SNX29: variants seen among roughly 807,000 people sequenced by gnomAD.
The protein encoded by SNX29 is sorting nexin 29.
A neutral mutation model predicts 102.1 loss-of-function variants in SNX29; 78 were observed. The observed-to-expected ratio is 0.76, with a 90% CI of 0.64 to 0.92. The LOEUF (loss-of-function observed/expected upper bound fraction) is 0.92. Among genes scored for constraint, SNX29 ranks in the 40% least tolerant of loss-of-function variants. The pLI, the probability that SNX29 is intolerant of heterozygous loss-of-function variation, is 0.00. For synonymous variants in SNX29, 580 were observed against 414.5 expected (o/e 1.40, Z -4.85); for missense variants, 1,280 against 1,061.7 (o/e 1.21, Z -2.86).
At chr16:12,283,705 A>G (rs745689801) in intron 15 of SNX29, among the ~76,000 whole-genome samples, 3 of 152,208 alleles carry the variant, frequency 2.0e-5, no homozygotes, top group Non-Finnish European at 4.4e-5. Flanking sequence ...ACAAAAATGA[A>G]TGGGACGCAG....
intron 11 of SNX29, among the ~76,000 whole-genome samples, chr16:12,123,502 C>G (rs567790279): frequency 3.2e-4 from 48 of 152,212 alleles, no homozygotes; most frequent in African/African-American, 1.0e-3. Flanking sequence ...ATATCATATA[C>G]ATATACATCA....
At chr16:12,255,097 A>T (rs2078530382) in intron 14 of SNX29, among the ~76,000 whole-genome samples, 1 of 152,226 alleles carries the variant, frequency 6.6e-6, no homozygotes, top group South Asian at 2.1e-4. Context: ...GAAATGATTA[A>T]ATCAAGTTAA....
chr16:12,568,336 A>G (rs1276321068), intron 20 of SNX29, among the ~76,000 whole-genome samples, 170 bp from the exon 21 acceptor site: 3 of 149,486 alleles, frequency 2.0e-5, no homozygotes, highest in Admixed American at 1.3e-4. Context: ...TTTACGTGAC[A>G]ATAGGGGTTT....
chr16:12,401,359 A>ATTTTTTT (rs35886680), intron 17 of SNX29, among the ~76,000 whole-genome samples: 29 of 101,466 alleles, frequency 2.9e-4, no homozygotes, highest in Non-Finnish European at 3.5e-4. Flanking sequence ...ATAGAGTTAA[A>ATTTTTTT]TTTTTTTTTT....
At chr16:12,232,247 G>T (rs2077791454) in intron 14 of SNX29, among the ~76,000 whole-genome samples, 1 of 152,202 alleles carries the variant, frequency 6.6e-6, no homozygotes, top group African/African-American at 2.4e-5. Flanking sequence ...GCTTGAATTG[G>T]CTGGGAAGGT....
At chr16:12,459,241 G>A (rs1017369124) in intron 18 of SNX29, among the ~76,000 whole-genome samples, 1 of 149,106 alleles carries the variant, frequency 6.7e-6, no homozygotes, top group African/African-American at 2.5e-5. Flanking sequence ...TTCCTCTCCT[G>A]TGGGGCTCAC....
At position 12,572,969 on chromosome 16, in the gene SNX29, C is replaced by T. The variant is rs1045418186; in HGVS notation, c.*4340C>T. The T allele has an allele frequency of 3.5e-5, 19 of 548,468 alleles. No homozygotes were observed. Among genetic ancestry groups the T allele is most frequent in the Non-Finnish European group, 4.7e-5 (19 of 407,704 alleles). The allele number at this position is 548,468 out of a possible 1,614,324, so 34.0% of individuals were successfully genotyped here. ...CTTATGAGCAAGGTCAAAGATTTTT[C>T]AAAATATTGTGCATTAATTCATTAA... On this transcript the variant is annotated 3_prime_UTR_variant, in exon 21 of 21. Transcript: ENST00000566228.
intron 15 of SNX29, among the ~76,000 whole-genome samples, chr16:12,286,839 A>G (rs976874801): frequency 2.6e-5 from 4 of 152,106 alleles, no homozygotes; most frequent in Non-Finnish European, 4.4e-5. Flanking sequence ...CCCAGGTTCC[A>G]TATTATTACA....
intron 13 of SNX29, among the ~76,000 whole-genome samples, chr16:12,156,806 C>T (rs1232966261): frequency 2.0e-5 from 3 of 152,204 alleles, no homozygotes; most frequent in Non-Finnish European, 4.4e-5. Context: ...TGCAGGAGCC[C>T]AGGGCATGGT....
At chr16:12,333,777 G>T (rs534327904) in intron 15 of SNX29, among the ~76,000 whole-genome samples, 10 of 152,284 alleles carry the variant, frequency 6.6e-5, no homozygotes, top group Admixed American at 2.6e-4. Context: ...ATGTCCTGGG[G>T]ACTGGGCAGG....
intron 18 of SNX29, among the ~76,000 whole-genome samples, chr16:12,412,466 G>T (rs569945023): frequency 6.6e-6 from 1 of 152,312 alleles, no homozygotes; most frequent in South Asian, 2.1e-4. Flanking sequence ...CACAGCTGCC[G>T]TGGGCAGCTG....
At chr16:12,039,895 A>G (rs1454159720) in intron 4 of SNX29, among the ~76,000 whole-genome samples, 1 of 152,108 alleles carries the variant, frequency 6.6e-6, no homozygotes, top group Non-Finnish European at 1.5e-5. Flanking sequence ...CTTGGTTGTG[A>G]TGATGTCAGA....
chr16:12,404,241 C>A (rs186558695), intron 18 of SNX29, among the ~76,000 whole-genome samples: 6 of 152,266 alleles, frequency 3.9e-5, no homozygotes, highest in Admixed American at 3.3e-4. Context: ...CCTTGGGGTA[C>A]GGATAGCCGC....
At chr16:12,470,684 T>G (rs919091521) in intron 18 of SNX29, among the ~76,000 whole-genome samples, 5 of 152,182 alleles carry the variant, frequency 3.3e-5, no homozygotes, top group Non-Finnish European at 5.9e-5. Context: ...AGAGCACGCT[T>G]TATGTTTGTG....
rs1394768671 is a variant in SNX29, at chr16:12,374,669, GCCA to G, written c.1899+18392_1899+18394del. The G allele has an allele frequency of 3.9e-5, 6 of 152,300 alleles. No homozygotes were observed. In the East Asian group the frequency reaches 1.2e-3, roughly 29 times the overall value. 9.4% of individuals were successfully genotyped at this position (152,300 alleles called of 1,614,324 possible). On this transcript the variant is annotated intron_variant, in intron 16 of 20. Coordinates refer to ENST00000566228, the MANE Select transcript of SNX29 (RefSeq NM_032167.5). Reference sequence around the variant, plus strand: ...GGGCCTCTGGGTCATGGTGCCGTCGGCCACTGGGAAGTTCCGAGCTCTCAGATG... The same window carrying G: ...GGGCCTCTGGGTCATGGTGCCGTCGGCTGGGAAGTTCCGAGCTCTCAGATG...
At chr16:12,472,544 C>CAAAAAAAAAAAAAAAA (rs568390260) in intron 18 of SNX29, among the ~76,000 whole-genome samples, 22 of 115,542 alleles carry the variant, frequency 1.9e-4, no homozygotes, top group Admixed American at 5.1e-4. Flanking sequence ...AAAAAAAAAA[C>CAAAAAAAAAAAAAAAA]AAAAAAAAAA....
chr16:12,447,075 C>G (rs1231008386), intron 18 of SNX29, among the ~76,000 whole-genome samples: 3 of 135,066 alleles, frequency 2.2e-5, no homozygotes, highest in Non-Finnish European at 4.6e-5. Context: ...GCTGAGGCAG[C>G]AGAATCACTT....
intron 18 of SNX29, among the ~76,000 whole-genome samples, chr16:12,405,579 G>C (rs1001814989): frequency 1.3e-5 from 2 of 152,186 alleles, no homozygotes; most frequent in Non-Finnish European, 2.9e-5. Flanking sequence ...TTTAGCAAAT[G>C]ATGCTTCTGA....
Position 12,524,809 on chromosome 16 carries a change from G to T in SNX29, c.2286G>T (p.Lys762Asn). The part of the protein sequence containing the change: ...MVPEFAASPK[K>N]ETLIQLMPFF... ...CCGAGTTCGCTGCCAGCCCCAAGAAGGAGACCCTCATCCAGCTGATGCCCT... is the reference window on the plus strand; with the variant it reads ...CCGAGTTCGCTGCCAGCCCCAAGAATGAGACCCTCATCCAGCTGATGCCCT... The change falls in exon 20 of 21, where the codon AAG (lysine) becomes AAT (asparagine). Residue 762 changes from lysine (K) to asparagine (N), a missense_variant. Transcript: ENST00000566228. 6.2e-7 allele frequency: 1 copy of T among 1,613,678 alleles called. No homozygotes were observed. The highest frequency in any genetic ancestry group is 8.5e-7 in the Non-Finnish European group (1 of 1,179,782).
Sources: allele counts gnomAD v4.1 joint callset (sites outside exome capture counted in the v4.1 genomes callset), GRCh38; gene constraint gnomAD v4.1.1; transcripts MANE v1.5; gene names NCBI Gene and HGNC (gene_info 2026-07-23, HGNC 2026-07-21).